NEK10: variants seen among roughly 807,000 people sequenced by gnomAD.
NEK10 encodes NIMA related kinase 10, also known as serine/threonine-protein kinase Nek10.
NEK10 carries 122 observed loss-of-function variants against 159.8 expected under a neutral mutation model. That is an observed-to-expected ratio of 0.76 (90% CI 0.66 to 0.89). The LOEUF (loss-of-function observed/expected upper bound fraction) is 0.89. NEK10 is among the 40% of genes least tolerant of loss of function. NEK10 has a pLI of 0.00. For missense variants in NEK10, 1,342 were observed against 1,323.1 expected, an observed-to-expected ratio of 1.01 and a Z score of -0.22; for synonymous variants, 466 against 457.1, an observed-to-expected ratio of 1.02 and a Z score of -0.25.
At chr3:27,115,644 C>G (rs1012277887) in intron 35 of NEK10, among the ~76,000 whole-genome samples, 3 of 152,050 alleles carry the variant, frequency 2.0e-5, no homozygotes, top group Non-Finnish European at 4.4e-5. Context: ...TTTAAAAAAC[C>G]AATCTAGAAA....
chr3:27,189,886 A>C (rs1948962914), intron 26 of NEK10, among the ~76,000 whole-genome samples: 1 of 152,150 alleles, frequency 6.6e-6, no homozygotes, highest in African/African-American at 2.4e-5. Context: ...TCTATGGTCC[A>C]TAAAAACCTG....
intron 33 of NEK10, 143 bp downstream of exon 33, chr3:27,119,617 T>C (rs1421952481): frequency 1.7e-6 from 1 of 597,668 alleles, no homozygotes; most frequent in East Asian, 2.8e-5. Context: ...ATTCCTACCA[T>C]ATGTGCCTTC....
At chr3:27,157,228 G>A (rs1180300495) in intron 30 of NEK10, among the ~76,000 whole-genome samples, 2 of 151,654 alleles carry the variant, frequency 1.3e-5, no homozygotes, top group Admixed American at 6.6e-5. Context: ...ATATGGTGCA[G>A]TGTATACTGC....
intron 3 of NEK10, among the ~76,000 whole-genome samples, chr3:27,347,529 A>G (rs927944990): frequency 3.2e-4 from 41 of 126,282 alleles, no homozygotes; most frequent in East Asian, 7.1e-4. Context: ...AAAAAAAAAA[A>G]GACATCATTT....
At chr3:27,257,250 T>A (rs1226535711) in intron 22 of NEK10, among the ~76,000 whole-genome samples, 2 of 152,210 alleles carry the variant, frequency 1.3e-5, no homozygotes, top group African/African-American at 4.8e-5. Context: ...TAGGTCAAAA[T>A]GATAAAAACA....
At chr3:27,199,877 A>G (rs958571616) in intron 25 of NEK10, among the ~76,000 whole-genome samples, 1 of 152,130 alleles carries the variant, frequency 6.6e-6, no homozygotes, top group Non-Finnish European at 1.5e-5. Context: ...CAAATACTAC[A>G]TGTTTTCACT....
chr3:27,256,397 T>C (rs773026383), intron 22 of NEK10, 26 bp from the exon 23 acceptor site: 10 of 1,451,402 alleles, frequency 6.9e-6, no homozygotes, highest in Middle Eastern at 1.8e-4. Flanking sequence ...CAACGCAATA[T>C]GTTACTATAT....
At chr3:27,304,201 T>C (rs1395176124) in intron 12 of NEK10, among the ~76,000 whole-genome samples, 1 of 152,156 alleles carries the variant, frequency 6.6e-6, no homozygotes, top group East Asian at 1.9e-4. Context: ...GAGAGAAAAG[T>C]AGAGAACTGG....
intron 23 of NEK10, among the ~76,000 whole-genome samples, chr3:27,228,739 T>C (rs1414872467): frequency 1.3e-5 from 2 of 152,110 alleles, no homozygotes; most frequent in African/African-American, 4.8e-5. Flanking sequence ...AGAGTGACAA[T>C]TCCTCCCTAC....
intron 13 of NEK10, among the ~76,000 whole-genome samples, chr3:27,298,725 G>A (rs568545255): frequency 5.3e-5 from 8 of 152,182 alleles, no homozygotes; most frequent in Admixed American, 1.3e-4. Context: ...AATCCAGGCC[G>A]AGGTGGTCTC....
At chr3:27,229,220 A>C (rs1338937005) in intron 23 of NEK10, among the ~76,000 whole-genome samples, 1 of 152,224 alleles carries the variant, frequency 6.6e-6, no homozygotes, top group East Asian at 1.9e-4. Flanking sequence ...AGCATCTAGG[A>C]AAGCCAGTGC....
At chr3:27,354,275 C>T (rs146338812) in intron 1 of NEK10, among the ~76,000 whole-genome samples, 96 of 152,268 alleles carry the variant, frequency 6.3e-4, no homozygotes, top group East Asian at 1.9e-3. Flanking sequence ...CTATCAAACT[C>T]GCTAAACACC....
chr3:27,293,115 A>C (rs534207754), intron 16 of NEK10, among the ~76,000 whole-genome samples: 3 of 152,280 alleles, frequency 2.0e-5, no homozygotes, highest in African/African-American at 4.8e-5. Context: ...TGACCCCAGA[A>C]CATCCAGCCT....
At position 27,307,915 on chromosome 3, in the gene NEK10, G is replaced by A; in HGVS notation, c.747C>T (p.Leu249=). 1 of 1,549,800 alleles carries A rather than the reference G, an allele frequency of 6.5e-7. No individual in the cohort carries two copies. The highest frequency in any genetic ancestry group is 8.9e-7 in the Non-Finnish European group (1 of 1,122,570). Residue 249 remains leucine, a synonymous_variant, in exon 11 of 36, where the codon CTC becomes CTT. Coordinates refer to ENST00000691995, the MANE Select transcript of NEK10 (RefSeq NM_001394966.1). The stretch of plus-strand genomic sequence containing the variant: ...TCATCAACAGATTTTCTACAATGTT[G>A]AGTTCACTTATCTTCTCCCTACATT... ...SQECREKISE[L]NIVENLLMIL... is the part of the protein sequence containing the mutation.
At chr3:27,119,969 A>AACACT in intron 32 of NEK10, 101 bp from the exon 33 acceptor site, 1 of 784,930 alleles carries the variant, frequency 1.3e-6, no homozygotes, top group Non-Finnish European at 2.2e-6. Context: ...CTCTGCACAG[A>AACACT]AAATTTAGTG....
Position 27,109,053 on chromosome 3 carries a change from A to G in NEK10, c.*2219T>C, listed in dbSNP as rs1242698579. Reference sequence around the variant, plus strand: ...TACTTAACTTTCACTGACTTCTAGCATAATAAATGCCCATTCCTATCACCT... The same window carrying G: ...TACTTAACTTTCACTGACTTCTAGCGTAATAAATGCCCATTCCTATCACCT... On this transcript the variant is annotated 3_prime_UTR_variant, in exon 36 of 36. Transcript: ENST00000691995. Among the ~76,000 whole-genome samples the G allele has an allele frequency of 6.6e-6, 1 of 152,230 alleles. No homozygotes were observed. The highest frequency in any genetic ancestry group is 6.5e-5 in the Admixed American group (1 of 15,282).
chr3:27,135,411 C>T (rs1184555750), intron 31 of NEK10, among the ~76,000 whole-genome samples: 2 of 152,102 alleles, frequency 1.3e-5, no homozygotes, highest in Admixed American at 6.5e-5. Flanking sequence ...TTTTTGTTTG[C>T]TTGTTTTTAC....
intron 23 of NEK10, among the ~76,000 whole-genome samples, chr3:27,233,994 C>G (rs1348340358): frequency 2.0e-5 from 3 of 151,742 alleles, no homozygotes; most frequent in African/African-American, 7.3e-5. Flanking sequence ...TGATTCATTA[C>G]ATAAAGAGAA....
At chr3:27,364,348 TTGTGTGTGTGTGTGTGTG>T (rs4016621) in intron 1 of NEK10, among the ~76,000 whole-genome samples, 5,399 of 120,622 alleles carry the variant, frequency 0.045, 419 homozygotes, top group African/African-American at 0.15. Flanking sequence ...GCCTGGCTAA[TTGTGTGTGTGTGTGTGTG>T]TGTGTGTGTG....
Sources: gnomAD v4.1 joint callset for allele counts (sites outside exome capture counted in the v4.1 genomes callset) on GRCh38, gnomAD v4.1.1 for gene constraint, MANE v1.5 for transcripts, NCBI Gene and HGNC (gene_info 2026-07-23, HGNC 2026-07-21) for gene names.